Variants in RABGAP1L observed in about 807,000 individuals in gnomAD.
RABGAP1L encodes RAB GTPase activating protein 1 like.
In RABGAP1L, 63 loss-of-function variants were observed where a neutral mutation model predicts 137.7. That is an observed-to-expected ratio of 0.46 (90% CI 0.37 to 0.56). The LOEUF is 0.56. Ranked by LOEUF, RABGAP1L falls within the 20% of genes least tolerant of loss-of-function variation. The pLI is 0.00. For synonymous variants in RABGAP1L, 431 were observed against 433.7 expected, an observed-to-expected ratio of 0.99 and a Z score of 0.08; for missense variants, 1,095 against 1,244.0, an observed-to-expected ratio of 0.88 and a Z score of 1.80.
chr1:174,668,219 A>G (rs1676926129), intron 14 of RABGAP1L, among the ~76,000 whole-genome samples: 1 of 152,154 alleles, frequency 6.6e-6, no homozygotes, highest in Non-Finnish European at 1.5e-5. Flanking sequence ...CCACCTATCT[A>G]ACTATAATTA....
chr1:174,295,198 T>A (rs754058856), intron 10 of RABGAP1L, among the ~76,000 whole-genome samples: 5 of 151,576 alleles, frequency 3.3e-5, no homozygotes, highest in Admixed American at 6.6e-5. Flanking sequence ...ATTGCAGGCA[T>A]GAGCCACTGC....
chr1:174,601,270 G>A (rs1205800589), intron 13 of RABGAP1L, among the ~76,000 whole-genome samples: 2 of 152,338 alleles, frequency 1.3e-5, no homozygotes, highest in African/African-American at 4.8e-5. Flanking sequence ...TGTGATGGGA[G>A]GGGCTGCTGC....
chr1:174,624,063 C>G (rs1263383550), intron 13 of RABGAP1L, among the ~76,000 whole-genome samples: 1 of 152,164 alleles, frequency 6.6e-6, no homozygotes, highest in Non-Finnish European at 1.5e-5. Context: ...TTGAAAATCA[C>G]CTTTCTGTAT....
chr1:174,956,893 C>T (rs1668589668), intron 19 of RABGAP1L, among the ~76,000 whole-genome samples: 1 of 152,074 alleles, frequency 6.6e-6, no homozygotes. Context: ...AGTGATCCGC[C>T]CACCTCAGCC....
intron 19 of RABGAP1L, among the ~76,000 whole-genome samples, chr1:174,900,759 A>T (rs1299562369): frequency 6.6e-6 from 1 of 152,086 alleles, no homozygotes; most frequent in African/African-American, 2.4e-5. Flanking sequence ...GCCTCAAGTG[A>T]TCCACCTGCA....
At chr1:174,646,786 A>G (rs541224704) in intron 14 of RABGAP1L, among the ~76,000 whole-genome samples, 3 of 152,282 alleles carry the variant, frequency 2.0e-5, no homozygotes, top group Admixed American at 2.0e-4. Context: ...CATTGAATCT[A>G]AAGATTGCTT....
In RABGAP1L at chr1:174,990,069, G is replaced by C. The variant is rs1336426815; in HGVS notation, c.*68G>C. 1.0e-5 allele frequency: 15 copies of C among 1,433,004 alleles called. No individual in the cohort carries two copies. Among genetic ancestry groups the C allele is most frequent in the Non-Finnish European group, 1.3e-5 (14 of 1,058,500 alleles). The allele number at this position is 1,433,004 out of a possible 1,614,324, so 88.8% of individuals were successfully genotyped here. On this transcript the variant is annotated 3_prime_UTR_variant, in exon 26 of 26. Transcript: ENST00000681986. ...TGGAAATCTGGGAGGATTCTTCCTGGTGTCCCTTTGAAGGAAAGTCAAGGA... is the reference window on the plus strand; with the variant it reads ...TGGAAATCTGGGAGGATTCTTCCTGCTGTCCCTTTGAAGGAAAGTCAAGGA...
chr1:174,375,894 A>G (rs770490377), intron 12 of RABGAP1L, among the ~76,000 whole-genome samples: 12 of 151,948 alleles, frequency 7.9e-5, no homozygotes, highest in East Asian at 1.9e-4. Flanking sequence ...ATGAAACCCT[A>G]TCTCTACTAA....
At chr1:174,457,010 C>T (rs1286761206) in intron 13 of RABGAP1L, among the ~76,000 whole-genome samples, 1 of 152,080 alleles carries the variant, frequency 6.6e-6, no homozygotes, top group Non-Finnish European at 1.5e-5. Flanking sequence ...TAGTCCTGGA[C>T]TCTTAAGAGT....
intron 5 of RABGAP1L, chr1:174,246,268 T>C (rs2148577548): frequency 6.6e-6 from 1 of 152,332 alleles, no homozygotes; most frequent in South Asian, 2.1e-4. Context: ...CAGTTTTGTG[T>C]TTAGTATTTT....
intron 14 of RABGAP1L, among the ~76,000 whole-genome samples, chr1:174,648,970 T>A (rs763610527): frequency 1.2e-4 from 19 of 152,030 alleles, no homozygotes; most frequent in African/African-American, 3.4e-4. Flanking sequence ...ATCTTTGACT[T>A]TTTTGATCTT....
At chr1:174,842,838 A>C (rs1262654684) in intron 19 of RABGAP1L, among the ~76,000 whole-genome samples, 1 of 152,080 alleles carries the variant, frequency 6.6e-6, no homozygotes. Context: ...TAATCACTAA[A>C]TTTCATTTAC....
chr1:174,274,604 C>T (rs1378616025), intron 8 of RABGAP1L, among the ~76,000 whole-genome samples: 1 of 96,782 alleles, frequency 1.0e-5, no homozygotes, highest in African/African-American at 4.8e-5. Context: ...CAACAGGTGA[C>T]TCTGTGTGTG....
At chr1:174,422,979 C>G (rs887830827) in intron 13 of RABGAP1L, among the ~76,000 whole-genome samples, 1 of 149,442 alleles carries the variant, frequency 6.7e-6, no homozygotes, top group Non-Finnish European at 1.5e-5. Context: ...TTTTTTTGAA[C>G]CATTATAGCT....
chr1:174,483,102 A>C (rs1452921146), intron 13 of RABGAP1L, among the ~76,000 whole-genome samples: 3 of 152,186 alleles, frequency 2.0e-5, no homozygotes, highest in Non-Finnish European at 4.4e-5. Context: ...GGTATCCATC[A>C]CCTCAAGCAT....
intron 14 of RABGAP1L, among the ~76,000 whole-genome samples, chr1:174,655,336 T>G (rs1675884091): frequency 6.6e-6 from 1 of 152,206 alleles, no homozygotes; most frequent in African/African-American, 2.4e-5. Context: ...TTCTTACTCT[T>G]TCATTCACTT....
At chr1:174,885,295 G>T (rs1654891176) in intron 19 of RABGAP1L, among the ~76,000 whole-genome samples, 2 of 152,014 alleles carry the variant, frequency 1.3e-5, no homozygotes, top group South Asian at 4.1e-4. Context: ...TATATGTAAA[G>T]CACTTAAGAA....
chr1:174,652,790 G>A (rs926478644), intron 14 of RABGAP1L, among the ~76,000 whole-genome samples: 1 of 152,206 alleles, frequency 6.6e-6, no homozygotes, highest in African/African-American at 2.4e-5. Context: ...ACCCACTTGA[G>A]GTGGCAGTCT....
chr1:174,888,257 T>C (rs1478285970), intron 19 of RABGAP1L, among the ~76,000 whole-genome samples: 1 of 152,186 alleles, frequency 6.6e-6, no homozygotes, highest in Non-Finnish European at 1.5e-5. Context: ...GATTATTGGC[T>C]ACATTTATAA....
Sources: allele counts gnomAD v4.1 joint callset (sites outside exome capture counted in the v4.1 genomes callset), GRCh38; gene constraint gnomAD v4.1.1; transcripts MANE v1.5; gene names NCBI Gene and HGNC (gene_info 2026-07-23, HGNC 2026-07-21).